Variants in SEMA5A observed in about 807,000 individuals in gnomAD.
The protein encoded by SEMA5A is semaphorin-5A.
In SEMA5A, 55 loss-of-function variants were observed where a neutral mutation model predicts 135.5. The ratio of observed to expected loss-of-function variants is 0.41; its 90% confidence interval spans 0.33 to 0.51. The LOEUF is 0.51. Among genes scored for constraint, SEMA5A ranks in the 20% least tolerant of loss-of-function variants. The pLI is 0.37. For missense variants in SEMA5A, 1,290 were observed against 1,419.9 expected, an observed-to-expected ratio of 0.91 and a Z score of 1.47; for synonymous variants, 580 against 546.5, an observed-to-expected ratio of 1.06 and a Z score of -0.85.
chr5:9,501,717 T>C (rs764001808), intron 1 of SEMA5A, among the ~76,000 whole-genome samples: 1 of 152,118 alleles, frequency 6.6e-6, no homozygotes, highest in Non-Finnish European at 1.5e-5. Context: ...TCGCCAAAGA[T>C]GACTGAGCAA....
intron 8 of SEMA5A, among the ~76,000 whole-genome samples, chr5:9,216,154 C>T (rs76993676): frequency 1.9e-4 from 29 of 152,310 alleles, no homozygotes; most frequent in Middle Eastern, 3.4e-3. Context: ...ACTCCCTTAG[C>T]TGTGTCCCAG....
At position 9,126,117 on chromosome 5, in the gene SEMA5A, A is replaced by G. The variant is rs77076568; in HGVS notation, c.1600-3280T>C. Among the ~76,000 whole-genome samples the G allele has an allele frequency of 5.5e-3, 842 of 152,256 alleles. 8 individuals carry two copies. Among genetic ancestry groups the G allele is most frequent in the Admixed American group, 9.7e-3 (149 of 15,292 alleles). ...TATTTGCATCATAGTTACACAATAT[A>G]TAGGTCTGTACTATTTTGACTCTTT... On this transcript the variant is annotated intron_variant, in intron 13 of 22. Coordinates refer to ENST00000382496, the MANE Select transcript of SEMA5A (RefSeq NM_003966.3).
chr5:9,442,550 G>T (rs532306663), intron 1 of SEMA5A, among the ~76,000 whole-genome samples: 73 of 152,224 alleles, frequency 4.8e-4, no homozygotes, highest in Non-Finnish European at 9.7e-4. Context: ...AGTTCTTCAT[G>T]TAAATCATTG....
At chr5:9,499,741 T>G (rs1050387788) in intron 1 of SEMA5A, among the ~76,000 whole-genome samples, 3 of 152,162 alleles carry the variant, frequency 2.0e-5, no homozygotes, top group African/African-American at 7.2e-5. Flanking sequence ...CACAACCCCA[T>G]CTATACACAG....
intron 2 of SEMA5A, among the ~76,000 whole-genome samples, chr5:9,387,559 G>A (rs773494030): frequency 5.9e-5 from 9 of 152,178 alleles, no homozygotes; most frequent in Non-Finnish European, 1.3e-4. Context: ...CAAGTAGAGC[G>A]TTCAATGAAA....
intron 15 of SEMA5A, among the ~76,000 whole-genome samples, chr5:9,115,067 G>A (rs900944759): frequency 6.6e-6 from 1 of 152,154 alleles, no homozygotes; most frequent in Non-Finnish European, 1.5e-5. Context: ...ACTCAAAAAG[G>A]TCTGTGAATG....
At chr5:9,220,247 G>A (rs575562359) in intron 8 of SEMA5A, among the ~76,000 whole-genome samples, 5 of 152,116 alleles carry the variant, frequency 3.3e-5, no homozygotes, top group Non-Finnish European at 7.3e-5. Flanking sequence ...TATATACAGG[G>A]TACGGTGTAC....
intron 21 of SEMA5A, among the ~76,000 whole-genome samples, chr5:9,046,259 T>C (rs1473174632): frequency 6.6e-6 from 1 of 152,168 alleles, no homozygotes; most frequent in African/African-American, 2.4e-5. Flanking sequence ...CTGCACCCAG[T>C]GAGACGATTG....
At chr5:9,476,803 T>C (rs1003855652) in intron 1 of SEMA5A, among the ~76,000 whole-genome samples, 3 of 152,100 alleles carry the variant, frequency 2.0e-5, no homozygotes, top group African/African-American at 7.2e-5. Flanking sequence ...CCAGATTTGG[T>C]GGCTCATATC....
At chr5:9,367,476 T>A (rs1261284008) in intron 3 of SEMA5A, 1 of 152,236 alleles carries the variant, frequency 6.6e-6, no homozygotes, top group Admixed American at 6.5e-5. Context: ...CCATGGTTAA[T>A]ATAATATCTA....
chr5:9,387,980 A>C (rs1755970483), intron 2 of SEMA5A, among the ~76,000 whole-genome samples: 1 of 152,212 alleles, frequency 6.6e-6, no homozygotes, highest in Non-Finnish European at 1.5e-5. Context: ...AGCTGAAAGA[A>C]GTTTGTCATA....
chr5:9,315,209 C>T (rs574255249), intron 5 of SEMA5A, among the ~76,000 whole-genome samples: 1 of 152,262 alleles, frequency 6.6e-6, no homozygotes, highest in East Asian at 1.9e-4. Context: ...CCTGTTAACA[C>T]TGTATCATAT....
chr5:9,110,494 G>A (rs922170351), intron 15 of SEMA5A, among the ~76,000 whole-genome samples: 3 of 152,236 alleles, frequency 2.0e-5, no homozygotes, highest in African/African-American at 4.8e-5. Context: ...TGGAAAGAAG[G>A]AGAAGAAGTG....
intron 5 of SEMA5A, among the ~76,000 whole-genome samples, chr5:9,263,287 GT>G (rs1749503368): frequency 6.6e-6 from 1 of 152,208 alleles, no homozygotes. Flanking sequence ...TCCATGGCCT[GT>G]TAGGAACCAG....
intron 14 of SEMA5A, 84 bp from the exon 15 acceptor site, chr5:9,119,225 G>C: frequency 1.3e-6 from 2 of 1,520,498 alleles, no homozygotes; most frequent in Non-Finnish European, 1.8e-6. Context: ...AAATGCCTGT[G>C]TTCCTCAGGA....
intron 2 of SEMA5A, among the ~76,000 whole-genome samples, chr5:9,399,478 G>A (rs1220926224): frequency 6.6e-6 from 1 of 152,140 alleles, no homozygotes; most frequent in Non-Finnish European, 1.5e-5. Flanking sequence ...AGAATGGAGA[G>A]TTTCTGCTAA....
At chr5:9,122,932 T>C (rs113133573) in intron 13 of SEMA5A, 95 bp from the exon 14 acceptor site, 1 of 1,127,832 alleles carries the variant, frequency 8.9e-7, no homozygotes, top group Admixed American at 3.0e-5. Flanking sequence ...CAATCAAAAC[T>C]CCTCTAGAAT....
chr5:9,167,021 C>G lies in SEMA5A; in HGVS notation c.1274-12326G>C, dbSNP rs913713174. Among the ~76,000 whole-genome samples, 21 of 152,268 alleles carry G rather than the reference C, an allele frequency of 1.4e-4. No individual in the cohort carries two copies. The East Asian group carries it at 3.9e-3, about 28-fold the overall frequency. Reference sequence around the variant, plus strand: ...GTGAAATTTATACTGTGTCTGGTCCCATTAGTTGTCAATTGAGATGGTTGA... The same window carrying G: ...GTGAAATTTATACTGTGTCTGGTCCGATTAGTTGTCAATTGAGATGGTTGA... On this transcript the variant is annotated intron_variant, in intron 11 of 22. Coordinates refer to ENST00000382496, the MANE Select transcript of SEMA5A (RefSeq NM_003966.3).
intron 1 of SEMA5A, among the ~76,000 whole-genome samples, chr5:9,536,142 G>T (rs1420506251): frequency 1.3e-5 from 2 of 152,140 alleles, no homozygotes; most frequent in African/African-American, 4.8e-5. Context: ...CATGGGTTTG[G>T]GGGAGGACGG....
Sources: allele counts gnomAD v4.1 joint callset (sites outside exome capture counted in the v4.1 genomes callset), GRCh38; gene constraint gnomAD v4.1.1; transcripts MANE v1.5; gene names NCBI Gene and HGNC (gene_info 2026-07-23, HGNC 2026-07-21).